Variants in SPIRE2 observed in about 807,000 individuals in gnomAD.
The protein encoded by SPIRE2 is spire type actin nucleation factor 2, also known as protein spire homolog 2.
In SPIRE2, 76 loss-of-function variants were observed where a neutral mutation model predicts 80.7. The ratio of observed to expected loss-of-function variants is 0.94; its 90% CI spans 0.78 to 1.14. The LOEUF is 1.14. SPIRE2 is among the 50% of genes most tolerant of loss of function. The pLI is 0.00. For missense variants in SPIRE2, 1,196 were observed against 1,015.3 expected, an observed-to-expected ratio of 1.18 and a Z score of -2.42; for synonymous variants, 535 against 432.6, an observed-to-expected ratio of 1.24 and a Z score of -2.94.
At chr16:89,843,667 G>GTTT (rs746543138) in intron 1 of SPIRE2, among the ~76,000 whole-genome samples, 3 of 60,406 alleles carry the variant, frequency 5.0e-5, no homozygotes, top group Non-Finnish European at 8.4e-5. Context: ...TTGCTGCCAC[G>GTTT]TTTTTTTTTT....
intron 12 of SPIRE2, among the ~76,000 whole-genome samples, chr16:89,866,126 G>A (rs1398349838): frequency 9.1e-6 from 1 of 109,408 alleles, no homozygotes; most frequent in Non-Finnish European, 1.8e-5. Flanking sequence ...TCCAGCCTGG[G>A]TGACAGAGCA....
intron 3 of SPIRE2, 77 bp from the exon 4 acceptor site, chr16:89,854,209 G>A (rs1363797206): frequency 7.3e-7 from 1 of 1,366,746 alleles, no homozygotes; most frequent in Non-Finnish European, 1.0e-6. Flanking sequence ...ACGTGGTCGT[G>A]TCCCTGACGG....
chr16:89,835,958 T>A (rs956775126), intron 1 of SPIRE2, among the ~76,000 whole-genome samples: 1 of 152,064 alleles, frequency 6.6e-6, no homozygotes, highest in African/African-American at 2.4e-5. Context: ...GCGGATCACA[T>A]GAGGTCAGGA....
intron 2 of SPIRE2, among the ~76,000 whole-genome samples, chr16:89,848,226 G>T (rs1318499316): frequency 1.3e-5 from 2 of 152,226 alleles, no homozygotes; most frequent in Non-Finnish European, 2.9e-5. Context: ...TGCCCCAGGT[G>T]ACCCCCCGAG....
chr16:89,844,018 CAG>C (rs1362980807), intron 1 of SPIRE2, among the ~76,000 whole-genome samples: 47 of 145,772 alleles, frequency 3.2e-4, no homozygotes, highest in Non-Finnish European at 5.3e-4. Flanking sequence ...TTTTTTGAGA[CAG>C]GGTCTCACTC....
In SPIRE2 at chr16:89,850,648, G is replaced by T. The variant is rs1447086342; in HGVS notation, c.633G>T (p.Arg211=). 6.7e-7 allele frequency: 1 copy of T among 1,494,030 alleles called. No homozygotes were observed. The highest frequency in any genetic ancestry group is 8.9e-7 in the Non-Finnish European group (1 of 1,128,584). 92.5% of individuals were successfully genotyped at this position (1,494,030 alleles called of 1,614,324 possible). ...LELRAFLARV[R]EAKEMLQKLR... is the part of the protein sequence containing the mutation. Reference sequence around the variant, plus strand: ...TGCGGGCCTTCCTGGCCAGGGTCCGGGAGGCCAAGGAGGTGAGCGGTGGGT... The same window carrying T: ...TGCGGGCCTTCCTGGCCAGGGTCCGTGAGGCCAAGGAGGTGAGCGGTGGGT... The change falls in exon 3 of 15, where the codon CGG becomes CGT. Residue 211 remains arginine (R), a synonymous_variant. Coordinates refer to ENST00000378247, the MANE Select transcript of SPIRE2 (RefSeq NM_032451.2).
At chr16:89,841,427 C>G (rs535878725) in intron 1 of SPIRE2, among the ~76,000 whole-genome samples, 2 of 152,096 alleles carry the variant, frequency 1.3e-5, no homozygotes, top group African/African-American at 4.8e-5. Context: ...TTGCATAACC[C>G]CATGTGGCCA....
intron 1 of SPIRE2, among the ~76,000 whole-genome samples, chr16:89,838,756 G>A (rs1475145329): frequency 6.6e-6 from 1 of 152,180 alleles, no homozygotes; most frequent in Non-Finnish European, 1.5e-5. Flanking sequence ...GCCCGTGCTA[G>A]GAGTGTTTTT....
intron 12 of SPIRE2, among the ~76,000 whole-genome samples, chr16:89,865,987 A>AAT (rs1377303430): frequency 2.1e-5 from 3 of 143,384 alleles, no homozygotes; most frequent in African/African-American, 5.2e-5. Flanking sequence ...AAAAAAAAAA[A>AAT]GGTAAGGCTG....
chr16:89,870,375 T>A lies in SPIRE2; in HGVS notation c.*103T>A, dbSNP rs2041829784. The A allele has an allele frequency of 1.5e-6, 1 of 660,376 alleles. No homozygotes were observed. The highest frequency in any genetic ancestry group is 2.6e-6 in the Non-Finnish European group (1 of 381,454). The allele number at this position is 660,376 out of a possible 1,614,324, so 40.9% of individuals were successfully genotyped here. On this transcript the variant is annotated 3_prime_UTR_variant, in exon 15 of 15. Transcript: ENST00000378247. ...ACATATATACATATATAGATACATT[T>A]ATAATATATACACACAGTCTATATA... is the stretch of plus-strand genomic sequence containing the variant.
rs2041710093 is a variant in SPIRE2, at chr16:89,858,229, C to G, written c.1103-109C>G. 4.2e-6 allele frequency: 5 copies of G among 1,197,582 alleles called. No individual in the cohort carries two copies. In the Admixed American group the frequency reaches 1.3e-4, roughly 31 times the overall value. The allele number at this position is 1,197,582 out of a possible 1,614,324, so 74.2% of individuals were successfully genotyped here. A position where few individuals can be genotyped will look rare whatever the true frequency, so the allele number is the denominator to read the frequency against. ...ATGGCTGGCTAGCCCTCAGTTTCCC[C>G]TTCTGCAAAGTCAGGGAATTAAGCC... On this transcript the variant is annotated intron_variant, in intron 7 of 14. Transcript: ENST00000378247.
chr16:89,854,499 G>C lies in SPIRE2; in HGVS notation c.739G>C (p.Val247Leu). The C allele has an allele frequency of 6.2e-7, 1 of 1,612,558 alleles. No homozygotes were observed. The highest frequency in any genetic ancestry group is 8.5e-7 in the Non-Finnish European group (1 of 1,179,804). ...CCCTGGGGCCCAGGCCCGACTGTGG[G>C]TTCAGCTCATGCGGGAGCTCCGCCG... is the stretch of plus-strand genomic sequence containing the variant. ...LGHTDWARLWVQLMRELRRGV... is the reference protein window; with the variant it reads ...LGHTDWARLWLQLMRELRRGV... The change falls in exon 5 of 15, where the codon GTT (valine) becomes CTT (leucine). Residue 247 changes from valine to leucine, a missense_variant. Transcript: ENST00000378247.
intron 7 of SPIRE2, 64 bp downstream of exon 7, chr16:89,856,300 T>C (rs573677603): frequency 3.1e-4 from 463 of 1,509,150 alleles, no homozygotes; most frequent in Middle Eastern, 1.7e-3. Context: ...CCCATTCCCC[T>C]GGTCAGGTTG....
intron 14 of SPIRE2, 129 bp downstream of exon 14, chr16:89,869,811 A>C: frequency 1.3e-6 from 1 of 775,862 alleles, no homozygotes; most frequent in Non-Finnish European, 2.2e-6. Flanking sequence ...AATGCAAGGC[A>C]GAGACGGATC....
chr16:89,855,804 C>A, intron 6 of SPIRE2, 118 bp downstream of exon 6: 2 of 1,064,330 alleles, frequency 1.9e-6, no homozygotes, highest in Non-Finnish European at 2.8e-6. Context: ...TGTCCCAGTG[C>A]GTCTGCGTCA....
chr16:89,860,641 C>A, intron 9 of SPIRE2, 42 bp from the exon 10 acceptor site: 1 of 1,360,694 alleles, frequency 7.3e-7, no homozygotes. Context: ...TTTACCACAG[C>A]TCCTGCCAGG....
At chr16:89,859,993 C>A (rs1012515413) in intron 9 of SPIRE2, among the ~76,000 whole-genome samples, 1 of 152,234 alleles carries the variant, frequency 6.6e-6, no homozygotes, top group Non-Finnish European at 1.5e-5. Flanking sequence ...CAGGCCAGGC[C>A]AGTTCCAAAC....
At chr16:89,869,053 A>AAAAATATATATATAT in intron 13 of SPIRE2, among the ~76,000 whole-genome samples, 1 of 24,030 alleles carries the variant, frequency 4.2e-5, no homozygotes, top group East Asian at 3.1e-3. Flanking sequence ...AAAAAAAAAA[A>AAAAATATATATATAT]ATATATATAT....
chr16:89,850,005 T>G, intron 2 of SPIRE2: 24 of 449,746 alleles, frequency 5.3e-5, no homozygotes, highest in East Asian at 9.5e-5. Flanking sequence ...GCCCAGCTAA[T>G]TTTTGTATTT....
Sources: allele counts gnomAD v4.1 joint callset (sites outside exome capture counted in the v4.1 genomes callset), GRCh38; gene constraint gnomAD v4.1.1; transcripts MANE v1.5; gene names NCBI Gene and HGNC (gene_info 2026-07-23, HGNC 2026-07-21).